The following LAPTM4A variants were observed in gnomAD, a reference collection of about 807,000 sequenced individuals.
LAPTM4A encodes the protein lysosomal protein transmembrane 4 alpha, also known as lysosomal-associated transmembrane protein 4A.
Under a neutral mutation model 29.9 loss-of-function variants are expected in LAPTM4A, and 19 were observed. The ratio of observed to expected loss-of-function variants is 0.64; its 90% CI spans 0.44 to 0.93. The LOEUF is 0.93. LAPTM4A is among the 40% of genes least tolerant of loss of function. LAPTM4A has a pLI of 0.00. For synonymous variants in LAPTM4A, 105 were observed against 102.1 expected (o/e 1.03, Z -0.17); for missense variants, 293 against 288.5 (o/e 1.02, Z -0.11).
chr2:20,044,437 A>C (rs959674574), intron 1 of LAPTM4A, among the ~76,000 whole-genome samples: 2 of 152,178 alleles, frequency 1.3e-5, no homozygotes, highest in Non-Finnish European at 1.5e-5. Flanking sequence ...TGCCAAAAAC[A>C]TTTAGGAGTT....
At chr2:20,049,445 A>C (rs1257816435) in intron 1 of LAPTM4A, among the ~76,000 whole-genome samples, 2 of 152,224 alleles carry the variant, frequency 1.3e-5, no homozygotes, top group African/African-American at 2.4e-5. Context: ...TCTCACAACA[A>C]GGGCTTAAAG....
intron 4 of LAPTM4A, among the ~76,000 whole-genome samples, chr2:20,035,670 A>G (rs906389616): frequency 1.3e-5 from 2 of 152,218 alleles, no homozygotes; most frequent in African/African-American, 4.8e-5. Flanking sequence ...AGCTAAGTTC[A>G]GGGAGAAAGG....
At chr2:20,050,444 G>C (rs1674028581) in intron 1 of LAPTM4A, among the ~76,000 whole-genome samples, 1 of 152,184 alleles carries the variant, frequency 6.6e-6, no homozygotes, top group Non-Finnish European at 1.5e-5. Context: ...CCACATTCGC[G>C]AAGTCATTAA....
chr2:20,050,954 T>A (rs1025122933), intron 1 of LAPTM4A, among the ~76,000 whole-genome samples: 19 of 152,200 alleles, frequency 1.2e-4, no homozygotes, highest in African/African-American at 4.3e-4. Context: ...GGAAGACCAA[T>A]GTCGAAACTA....
intron 1 of LAPTM4A, among the ~76,000 whole-genome samples, chr2:20,041,686 G>A (rs1054664634): frequency 3.3e-5 from 5 of 152,166 alleles, no homozygotes; most frequent in South Asian, 4.1e-4. Flanking sequence ...AGGTGCCCAC[G>A]ACCATACGCG....
chr2:20,049,777 T>C (rs958959096), intron 1 of LAPTM4A, among the ~76,000 whole-genome samples: 1 of 152,200 alleles, frequency 6.6e-6, no homozygotes, highest in Non-Finnish European at 1.5e-5. Flanking sequence ...GCCAGGTCGA[T>C]GGATTCTCTT....
intron 1 of LAPTM4A, among the ~76,000 whole-genome samples, chr2:20,050,210 T>G (rs141664058): frequency 6.6e-6 from 1 of 152,180 alleles, no homozygotes; most frequent in Non-Finnish European, 1.5e-5. Context: ...GTAGCAGTCA[T>G]GTGGAGTCAG....
At chr2:20,034,263 C>T in intron 6 of LAPTM4A, 54 bp downstream of exon 6, 1 of 1,207,728 alleles carries the variant, frequency 8.3e-7, no homozygotes, top group South Asian at 1.2e-5. Context: ...GGTTCTTCTC[C>T]TGGAACAGTC....
Position 20,037,579 on chromosome 2 carries a change from T to C in LAPTM4A, c.268A>G (p.Met90Val), listed in dbSNP as rs758140793. ...ACCAGCATTGAACTGATTATAAACA[T>C]AAGAACAGAGACGGCAAAAAGAACA... ...ACVLFAVSVL[M>V]FIISSMLVYG... Residue 90 changes from methionine (M) to valine (V), a missense_variant, in exon 3 of 7, where the codon ATG (methionine) becomes GTG (valine). Coordinates refer to ENST00000175091, the MANE Select transcript of LAPTM4A (RefSeq NM_014713.5). 4 of 1,609,378 alleles carry C rather than the reference T, an allele frequency of 2.5e-6. No homozygotes were observed. Among genetic ancestry groups the C allele is most frequent in the South Asian group, 1.1e-5 (1 of 90,066 alleles).
Position 20,033,040 on chromosome 2 carries a change from C to A in LAPTM4A, c.*165G>T, listed in dbSNP as rs974015249. On this transcript the variant is annotated 3_prime_UTR_variant, in exon 7 of 7. Coordinates refer to ENST00000175091, the MANE Select transcript of LAPTM4A (RefSeq NM_014713.5). ...AAGACTTAACAAAAAAACAAAAAGA[C>A]GTTTAACAGATGTCAAAAAGCTCCT... 6.5e-6 allele frequency: 4 copies of A among 614,896 alleles called. No homozygotes were observed. Among genetic ancestry groups the A allele is most frequent in the African/African-American group, 5.6e-5 (3 of 53,992 alleles). 38.1% of individuals were successfully genotyped at this position (614,896 alleles called of 1,614,324 possible). A position where few individuals can be genotyped will look rare whatever the true frequency, so the allele number is the denominator to read the frequency against.
chr2:20,050,914 G>A lies in LAPTM4A; in HGVS notation c.111+496C>T, dbSNP rs1172578598. Among the ~76,000 whole-genome samples the A allele has an allele frequency of 5.3e-5, 8 of 152,326 alleles. No individual in the cohort carries two copies. The East Asian group carries it at 1.5e-3, about 29-fold the overall frequency. On this transcript the variant is annotated intron_variant, in intron 1 of 6. Coordinates refer to ENST00000175091, the MANE Select transcript of LAPTM4A (RefSeq NM_014713.5). ...AAGTCCAAGAAACGCGGACAACCGG[G>A]TTACCGCTGGATCTTTCGCTTTCCC...
intron 4 of LAPTM4A, among the ~76,000 whole-genome samples, chr2:20,035,431 T>C (rs544464713): frequency 6.6e-6 from 1 of 152,340 alleles, no homozygotes; most frequent in East Asian, 1.9e-4. Context: ...CTCAGTTCTG[T>C]GTAAGTTCTA....
Position 20,033,116 on chromosome 2 carries a change from A to G in LAPTM4A, c.*89T>C. 9.5e-7 allele frequency: 1 copy of G among 1,052,446 alleles called. No homozygotes were observed. Among genetic ancestry groups the G allele is most frequent in the East Asian group, 2.4e-5 (1 of 42,076 alleles). 65.2% of individuals were successfully genotyped at this position (1,052,446 alleles called of 1,614,324 possible). A position where few individuals can be genotyped will look rare whatever the true frequency, so the allele number is the denominator to read the frequency against. On this transcript the variant is annotated 3_prime_UTR_variant, in exon 7 of 7. Coordinates refer to ENST00000175091, the MANE Select transcript of LAPTM4A (RefSeq NM_014713.5). ...CAAAAGACAACATATTTTATATCAA[A>G]CAAGTTTGAAGAGCCCTGAATTGCA...
chr2:20,036,527 A>G (rs1417075584), intron 4 of LAPTM4A, among the ~76,000 whole-genome samples: 1 of 152,240 alleles, frequency 6.6e-6, no homozygotes, highest in Non-Finnish European at 1.5e-5. Context: ...AGTGCCTTGC[A>G]CATAAGAGCA....
At chr2:20,035,110 A>C (rs1244635017) in intron 4 of LAPTM4A, 48 bp from the exon 5 acceptor site, 1 of 1,255,902 alleles carries the variant, frequency 8.0e-7, no homozygotes, top group Admixed American at 1.7e-5. Context: ...TCGCACTAGC[A>C]CTTGCTGATA....
In LAPTM4A at chr2:20,037,360, A is replaced by T. The variant is rs771948817; in HGVS notation, c.388T>A (p.Ser130Thr). ...FVLSCLVAISSLTYLPRIKEY... is the reference protein window; with the variant it reads ...FVLSCLVAISTLTYLPRIKEY... ...TTGATTCTTGGCAAATAGGTGAGAG[A>T]ACTAATAGCAACCAGGCAACTGAGG... The change falls in exon 4 of 7, where the codon TCT (serine) becomes ACT (threonine). Residue 130 changes from serine to threonine, a missense_variant. Ser to Thr is a moderately conservative substitution (Grantham distance 58, BLOSUM62 1). Transcript: ENST00000175091. 1.2e-6 allele frequency: 2 copies of T among 1,613,506 alleles called. No individual in the cohort carries two copies. The highest frequency in any genetic ancestry group is 1.7e-6 in the Non-Finnish European group (2 of 1,179,554).
At chr2:20,036,453 T>C (rs530869564) in intron 4 of LAPTM4A, among the ~76,000 whole-genome samples, 2 of 152,348 alleles carry the variant, frequency 1.3e-5, no homozygotes, top group Non-Finnish European at 2.9e-5. Flanking sequence ...ATCAGTTAAC[T>C]GTCAACTTCC....
At chr2:20,044,076 G>A (rs1231512735) in intron 1 of LAPTM4A, among the ~76,000 whole-genome samples, 1 of 152,208 alleles carries the variant, frequency 6.6e-6, no homozygotes, top group Non-Finnish European at 1.5e-5. Context: ...GGCAAGGCAT[G>A]ATATCTTTCA....
At chr2:20,047,216 C>T (rs1365193220) in intron 1 of LAPTM4A, among the ~76,000 whole-genome samples, 2 of 150,556 alleles carry the variant, frequency 1.3e-5, no homozygotes, top group Non-Finnish European at 3.0e-5. Flanking sequence ...GGTGAAACCC[C>T]GTCTCTACTA....
Sources: gnomAD v4.1 joint callset for allele counts (sites outside exome capture counted in the v4.1 genomes callset) on GRCh38, gnomAD v4.1.1 for gene constraint, MANE v1.5 for transcripts, NCBI Gene and HGNC (gene_info 2026-07-23, HGNC 2026-07-21) for gene names.